CAST: variants seen among roughly 807,000 people sequenced by gnomAD.
CAST encodes MIR583 host.
CAST carries 76 observed loss-of-function variants against 119.6 expected under a neutral mutation model. That is an observed-to-expected ratio of 0.64 (90% confidence interval 0.53 to 0.77). CAST has a LOEUF of 0.77. Ranked by LOEUF, CAST falls within the 30% of genes least tolerant of loss-of-function variation. The pLI, the probability that CAST is intolerant of heterozygous loss-of-function variation, is 0.00. For missense variants in CAST, 953 were observed against 946.5 expected, an observed-to-expected ratio of 1.01 and a Z score of -0.09; for synonymous variants, 319 against 331.6, an observed-to-expected ratio of 0.96 and a Z score of 0.41.
At chr5:96,358,266 CT>C in the CAST span, among the ~76,000 whole-genome samples, 2 of 152,022 alleles carry the variant, frequency 1.3e-5, no homozygotes, top group Admixed American at 6.5e-5. Flanking sequence ...TTTTGTTAAT[CT>C]TTTCAAAAAA....
the CAST span, among the ~76,000 whole-genome samples, chr5:96,516,295 A>G: frequency 6.6e-6 from 1 of 152,160 alleles, no homozygotes; most frequent in Non-Finnish European, 1.5e-5. Flanking sequence ...TGCTCTGTTC[A>G]AAACATCTCT....
At chr5:96,095,729 C>T in the CAST span, among the ~76,000 whole-genome samples, 1 of 151,994 alleles carries the variant, frequency 6.6e-6, no homozygotes, top group Non-Finnish European at 1.5e-5. Flanking sequence ...CATCACATTC[C>T]TTGACCAGAA....
chr5:96,035,041 G>GTATATATATATATATATATATA, the CAST span, among the ~76,000 whole-genome samples: 1 of 107,962 alleles, frequency 9.3e-6, no homozygotes, highest in African/African-American at 3.5e-5. Flanking sequence ...TTGTATTTAA[G>GTATATATATATATATATATATA]TATATATATA....
At chr5:95,986,428 T>C in the CAST span, 7 of 152,242 alleles carry the variant, frequency 4.6e-5, no homozygotes, top group Non-Finnish European at 8.8e-5. Context: ...GTCTGAGTGA[T>C]AATGTTTATA....
chr5:95,968,502 C>G, the CAST span, among the ~76,000 whole-genome samples: 8 of 152,060 alleles, frequency 5.3e-5, no homozygotes, highest in Non-Finnish European at 1.2e-4. Context: ...TCATATCTGT[C>G]GCTTATTTAA....
intron 1 of CAST, among the ~76,000 whole-genome samples, chr5:96,670,535 T>C (rs1749929546): frequency 6.6e-6 from 1 of 152,194 alleles, no homozygotes; most frequent in Admixed American, 6.5e-5. Flanking sequence ...GTTTTGCTCG[T>C]TACTCAGGCT....
At chr5:96,089,525 A>G in the CAST span, among the ~76,000 whole-genome samples, 1 of 152,242 alleles carries the variant, frequency 6.6e-6, no homozygotes, top group African/African-American at 2.4e-5. Flanking sequence ...TTATTTTAAT[A>G]ATTGTTAAAA....
the CAST span, among the ~76,000 whole-genome samples, chr5:96,054,341 C>T: frequency 6.6e-6 from 1 of 152,052 alleles, no homozygotes; most frequent in African/African-American, 2.4e-5. Context: ...TAGCTTTGAA[C>T]TCCTGGACTT....
At chr5:96,255,415 T>C in the CAST span, among the ~76,000 whole-genome samples, 1 of 152,192 alleles carries the variant, frequency 6.6e-6, no homozygotes, top group African/African-American at 2.4e-5. Context: ...ACAGATCATT[T>C]ATTTATTTGA....
Position 96,729,741 on chromosome 5 carries a change from T to C in CAST, c.549+16T>C. The C allele has an allele frequency of 1.8e-6, 2 of 1,112,332 alleles. No individual in the cohort carries two copies. Among genetic ancestry groups the C allele is most frequent in the Non-Finnish European group, 2.8e-6 (2 of 722,592 alleles). 68.9% of individuals were successfully genotyped at this position (1,112,332 alleles called of 1,614,324 possible). On this transcript the variant is annotated intron_variant, in intron 8 of 31. Transcript: ENST00000675179. ...AGAACCAAAGGTAAATGAAGCAGAT[T>C]GATAGGAAAACCTTAACATCAACTG...
the CAST span, among the ~76,000 whole-genome samples, chr5:96,065,309 T>G: frequency 6.6e-6 from 1 of 151,988 alleles, no homozygotes; most frequent in African/African-American, 2.4e-5. Flanking sequence ...TAAAAAGCTT[T>G]AATGTTGTGA....
chr5:96,289,113 A>G, the CAST span, among the ~76,000 whole-genome samples: 7 of 151,290 alleles, frequency 4.6e-5, no homozygotes, highest in Non-Finnish European at 8.8e-5. Context: ...AAAAAAAAAA[A>G]CCCTTAGAAT....
At chr5:96,362,028 C>G in the CAST span, among the ~76,000 whole-genome samples, 7 of 152,028 alleles carry the variant, frequency 4.6e-5, no homozygotes, top group Non-Finnish European at 1.0e-4. Context: ...GTTCCCCTTC[C>G]TGTGTCCAGG....
upstream of CAST, among the ~76,000 whole-genome samples, chr5:96,521,877 G>A (rs1745523965): frequency 6.6e-6 from 1 of 152,190 alleles, no homozygotes; most frequent in African/African-American, 2.4e-5. Context: ...CCAGCACTTT[G>A]GGAGGCCGAG....
the CAST span, among the ~76,000 whole-genome samples, chr5:96,189,444 A>G: frequency 2.0e-5 from 3 of 152,198 alleles, no homozygotes; most frequent in Non-Finnish European, 2.9e-5. Flanking sequence ...ATTCCTCAAT[A>G]TATGTCTAAA....
the CAST span, chr5:96,432,937 C>T: frequency 6.2e-7 from 1 of 1,614,194 alleles, no homozygotes; most frequent in African/African-American, 1.3e-5. Context: ...ATCTCCGCTG[C>T]CCATTCATTG....
chr5:96,555,684 G>A (rs565179564), intron 1 of CAST, among the ~76,000 whole-genome samples: 59 of 152,288 alleles, frequency 3.9e-4, no homozygotes, highest in African/African-American at 1.4e-3. Flanking sequence ...ACGGAGGGGT[G>A]CCCGCCATTG....
At chr5:96,695,025 C>T (rs995861179) in intron 2 of CAST, among the ~76,000 whole-genome samples, 3 of 152,170 alleles carry the variant, frequency 2.0e-5, no homozygotes, top group Non-Finnish European at 4.4e-5. Context: ...TCCTATGGCT[C>T]TCCCATAACG....
At chr5:96,390,177 TAG>T in the CAST span, among the ~76,000 whole-genome samples, 1 of 152,194 alleles carries the variant, frequency 6.6e-6, no homozygotes, top group South Asian at 2.1e-4. Context: ...AAGGATGGGC[TAG>T]AGAGGAAAAT....
Sources: gnomAD v4.1 joint callset for allele counts (sites outside exome capture counted in the v4.1 genomes callset) on GRCh38, gnomAD v4.1.1 for gene constraint, MANE v1.5 for transcripts, NCBI Gene and HGNC (gene_info 2026-07-23, HGNC 2026-07-21) for gene names.